CREBBP: variants seen among roughly 807,000 people sequenced by gnomAD.
CREBBP encodes CREB binding lysine acetyltransferase.
Under a neutral mutation model 265.0 loss-of-function variants are expected in CREBBP, and 19 were observed. The observed-to-expected ratio is 0.07, with a 90% CI of 0.05 to 0.11. The LOEUF (loss-of-function observed/expected upper bound fraction) is 0.11. Among genes scored for constraint, CREBBP ranks in the 10% least tolerant of loss-of-function variants. The pLI is 1.00. For missense variants in CREBBP, 2,525 were observed against 3,219.0 expected, an observed-to-expected ratio of 0.78 and a Z score of 5.22; for synonymous variants, 1,457 against 1,223.7, an observed-to-expected ratio of 1.19 and a Z score of -3.98.
Position 3,871,948 on chromosome 16 carries a change from A to C in CREBBP, c.85+7884T>G, listed in dbSNP as rs141523555. On this transcript the variant is annotated intron_variant, in intron 1 of 30. Transcript: ENST00000262367. Reference sequence around the variant, plus strand: ...ACAGTACAACTAGAAATGGGAAAGTAAAGTCAGATTTAATCATGTAGAATT... The same window carrying C: ...ACAGTACAACTAGAAATGGGAAAGTCAAGTCAGATTTAATCATGTAGAATT... 3.1e-4 allele frequency among the ~76,000 whole-genome samples: 47 copies of C among 152,376 alleles called. No homozygotes were observed. In the East Asian group the frequency reaches 5.8e-3, roughly 19 times the overall value.
chr16:3,743,562 TA>T (rs1170102507), intron 23 of CREBBP: 1 of 152,140 alleles, frequency 6.6e-6, no homozygotes, highest in Non-Finnish European at 1.5e-5. Context: ...AGCAACATGC[TA>T]GTCACCTGTC....
At position 3,749,665 on chromosome 16, in the gene CREBBP, C is replaced by G. The variant is rs1483614445; in HGVS notation, c.3798G>C (p.Gln1266His). 6.2e-7 allele frequency: 1 copy of G among 1,603,466 alleles called. No homozygotes were observed. The highest frequency in any genetic ancestry group is 1.3e-5 in the African/African-American group (1 of 74,846). The change falls in exon 21 of 31, where the codon CAG (glutamine) becomes CAC (histidine). Residue 1266 changes from glutamine (Q) to histidine (H), a missense_variant. Transcript: ENST00000262367. ...AGGTATCATTTTTCTTCTTTTCAAACTGATCCTTTGAAATTGTCCTTGTTT... is the reference window on the plus strand; with the variant it reads ...AGGTATCATTTTTCTTCTTTTCAAAGTGATCCTTTGAAATTGTCCTTGTTT... ...SQPQTTISKD[Q>H]FEKKKNDTLD...
In CREBBP at chr16:3,776,936, T is replaced by C. The variant is rs993221762; in HGVS notation, c.2158+677A>G. 8.5e-5 allele frequency among the ~76,000 whole-genome samples: 13 copies of C among 152,070 alleles called. No homozygotes were observed. In the East Asian group the frequency reaches 2.3e-3, roughly 27 times the overall value. ...TGGAGGCTGAGGCAGGAGAATGGCA[T>C]GAACCCGGGAGGCGGAGCTTGCAGT... On this transcript the variant is annotated intron_variant, in intron 11 of 30. Coordinates refer to ENST00000262367, the MANE Select transcript of CREBBP (RefSeq NM_004380.3).
intron 3 of CREBBP, among the ~76,000 whole-genome samples, chr16:3,796,406 G>C (rs1362661547): frequency 6.9e-6 from 1 of 144,072 alleles, no homozygotes; most frequent in Non-Finnish European, 1.5e-5. Flanking sequence ...TTTTTTTTGA[G>C]ACGGGAGTCT....
chr16:3,869,536 CT>C (rs2055249042), intron 1 of CREBBP, among the ~76,000 whole-genome samples: 1 of 152,164 alleles, frequency 6.6e-6, no homozygotes, highest in Non-Finnish European at 1.5e-5. Flanking sequence ...AGTAAATGTA[CT>C]TACAGTTGTG....
intron 1 of CREBBP, among the ~76,000 whole-genome samples, chr16:3,871,236 C>T (rs1046339519): frequency 6.6e-6 from 1 of 151,014 alleles, no homozygotes; most frequent in African/African-American, 2.4e-5. Flanking sequence ...CACACACACC[C>T]CACCCTGCAA....
chr16:3,792,332 G>GGCA (rs557072554), intron 4 of CREBBP, among the ~76,000 whole-genome samples: 47 of 152,208 alleles, frequency 3.1e-4, no homozygotes, highest in Middle Eastern at 3.4e-3. Flanking sequence ...GGTGATAAAG[G>GGCA]GCAGCCCACA....
chr16:3,798,669 T>A (rs975028010), intron 3 of CREBBP, among the ~76,000 whole-genome samples: 1 of 152,192 alleles, frequency 6.6e-6, no homozygotes, highest in African/African-American at 2.4e-5. Context: ...AAAAGTCAAA[T>A]GCTAACCAAT....
intron 8 of CREBBP, 74 bp from the exon 9 acceptor site, chr16:3,778,891 G>T: frequency 7.7e-7 from 1 of 1,301,226 alleles, no homozygotes; most frequent in Non-Finnish European, 1.1e-6. Flanking sequence ...TTTCGTCCAG[G>T]CGCGGTGGCT....
At chr16:3,822,327 G>C (rs1049175053) in intron 2 of CREBBP, among the ~76,000 whole-genome samples, 5 of 152,152 alleles carry the variant, frequency 3.3e-5, no homozygotes, top group African/African-American at 1.2e-4. Flanking sequence ...GTAACGCAAC[G>C]GTTCAGAGAA....
At chr16:3,840,593 TC>T in intron 2 of CREBBP, 1 of 170,940 alleles carries the variant, frequency 5.9e-6, no homozygotes, top group South Asian at 1.2e-4. Context: ...TGAAGAAAAT[TC>T]CCAGGACGAT....
At chr16:3,776,923 CAGG>C (rs2053153074) in intron 11 of CREBBP, among the ~76,000 whole-genome samples, 1 of 152,022 alleles carries the variant, frequency 6.6e-6, no homozygotes, top group African/African-American at 2.4e-5. Flanking sequence ...GAGGCTGAGG[CAGG>C]AGAATGGCAT....
At chr16:3,750,357 G>C (rs1323133597) in intron 20 of CREBBP, among the ~76,000 whole-genome samples, 1 of 152,182 alleles carries the variant, frequency 6.6e-6, no homozygotes, top group Non-Finnish European at 1.5e-5. Context: ...AAAGAAAATG[G>C]TAGAGCGTAA....
intron 21 of CREBBP, among the ~76,000 whole-genome samples, chr16:3,746,617 C>T (rs993806088): frequency 2.0e-4 from 30 of 152,334 alleles, no homozygotes; most frequent in African/African-American, 7.2e-4. Context: ...GCTCTCAACT[C>T]TTCCCTCCCA....
chr16:3,742,569 A>G (rs972254376), intron 23 of CREBBP: 1 of 152,112 alleles, frequency 6.6e-6, no homozygotes, highest in African/African-American at 2.4e-5. Context: ...AAGGCTTTTC[A>G]TAACTCAACA....
chr16:3,759,458 G>C (rs558606652), intron 16 of CREBBP, among the ~76,000 whole-genome samples: 1 of 151,886 alleles, frequency 6.6e-6, no homozygotes, highest in Non-Finnish European at 1.5e-5. Context: ...TGTGTCGGGG[G>C]TTCCTATAAG....
At chr16:3,879,253 CACACACACAA>C (rs1339919253) in intron 1 of CREBBP, among the ~76,000 whole-genome samples, 2 of 62,856 alleles carry the variant, frequency 3.2e-5, no homozygotes, top group Non-Finnish European at 9.1e-5. Flanking sequence ...CACACACACA[CACACACACAA>C]AACAAGGAGT....
intron 2 of CREBBP, among the ~76,000 whole-genome samples, chr16:3,821,928 G>A (rs2054148554): frequency 6.6e-6 from 1 of 152,088 alleles, no homozygotes; most frequent in African/African-American, 2.4e-5. Context: ...TACAGGTTTA[G>A]GCAGGAGAAT....
chr16:3,868,569 T>C (rs1366656320), intron 1 of CREBBP, among the ~76,000 whole-genome samples: 2 of 152,220 alleles, frequency 1.3e-5, no homozygotes, highest in Admixed American at 6.5e-5. Flanking sequence ...CCTGGACTCC[T>C]AGGTCTGACA....
Sources: allele counts gnomAD v4.1 joint callset (sites outside exome capture counted in the v4.1 genomes callset), GRCh38; gene constraint gnomAD v4.1.1; transcripts MANE v1.5; gene names NCBI Gene and HGNC (gene_info 2026-07-23, HGNC 2026-07-21).